PSMA1: variants seen among roughly 807,000 people sequenced by gnomAD.
PSMA1 encodes proteasome subunit alpha type-1.
In PSMA1, 3 loss-of-function variants were observed where a neutral mutation model predicts 38.4. The observed-to-expected ratio is 0.08, with a 90% CI of 0.04 to 0.20. The LOEUF (loss-of-function observed/expected upper bound fraction) is 0.20, where lower values mean the gene tolerates loss of function less well. PSMA1 is among the 10% of genes least tolerant of loss of function. The probability of loss-of-function intolerance (pLI) is 1.00; values close to 1 mark genes in which losing one functional copy is unlikely to be tolerated. For missense variants in PSMA1, 227 were observed against 325.3 expected, an observed-to-expected ratio of 0.70 and a Z score of 2.32; for synonymous variants, 101 against 107.1, an observed-to-expected ratio of 0.94 and a Z score of 0.35.
intron 2 of PSMA1, among the ~76,000 whole-genome samples, chr11:14,554,703 A>G (rs1020137226): frequency 5.9e-5 from 9 of 152,180 alleles, no homozygotes; most frequent in Non-Finnish European, 1.3e-4. Context: ...TTTTCTTTAC[A>G]GTAGCCTTAA....
intron 2 of PSMA1, among the ~76,000 whole-genome samples, chr11:14,533,258 T>G (rs774732328): frequency 2.6e-5 from 4 of 152,226 alleles, no homozygotes; most frequent in Non-Finnish European, 4.4e-5. Flanking sequence ...GCTTGAATTA[T>G]TATAGAAGTA....
At chr11:14,613,049 A>G (rs1852728338) in intron 1 of PSMA1, among the ~76,000 whole-genome samples, 2 of 152,142 alleles carry the variant, frequency 1.3e-5, no homozygotes, top group Admixed American at 1.3e-4. Context: ...ATTTCACTGG[A>G]TGGACAACCA....
chr11:14,552,926 G>C (rs939981961), intron 2 of PSMA1, among the ~76,000 whole-genome samples: 3 of 149,024 alleles, frequency 2.0e-5, no homozygotes, highest in Non-Finnish European at 4.4e-5. Context: ...TCCTGGGCTC[G>C]AGCAATCCCT....
chr11:14,576,749 T>A lies in PSMA1; in HGVS notation c.21+34217A>T, dbSNP rs532088150. 2.9e-3 allele frequency among the ~76,000 whole-genome samples: 446 copies of A among 152,320 alleles called. 1 individual carries two copies. The highest frequency in any genetic ancestry group is 0.01 in the South Asian group (49 of 4,826). On this transcript the variant is annotated intron_variant, in intron 2 of 10. Coordinates refer to the PSMA1 transcript ENST00000418988. ...GCTTTGTTCTTTTGGCTTAGGATTG[T>A]CTTGGCAATGCAGGCTCTGTTTTGG... is the stretch of plus-strand genomic sequence containing the variant.
chr11:14,513,847 A>G lies in PSMA1; in HGVS notation c.384T>C (p.Tyr128=), dbSNP rs1365704560. ...IPTQRYGRRP[Y]GVGLLIAGYD... is the part of the protein sequence containing the mutation. ...AACCAGCAATAAGGAGACCAACACCATATGGTCTCCGGCCATATCGTTGTG... is the reference window on the plus strand; with the variant it reads ...AACCAGCAATAAGGAGACCAACACCGTATGGTCTCCGGCCATATCGTTGTG... Residue 128 remains tyrosine (Y), a synonymous_variant, in exon 6 of 10, where the codon TAT becomes TAC. Coordinates refer to ENST00000396394, the MANE Select transcript of PSMA1 (RefSeq NM_002786.4). The G allele has an allele frequency of 6.2e-7, 1 of 1,601,966 alleles. No homozygotes were observed. Among genetic ancestry groups the G allele is most frequent in the Non-Finnish European group, 8.5e-7 (1 of 1,176,468 alleles).
intron 2 of PSMA1, among the ~76,000 whole-genome samples, chr11:14,541,372 T>C (rs1851771606): frequency 6.6e-6 from 1 of 152,224 alleles, no homozygotes; most frequent in South Asian, 2.1e-4. Context: ...TCTATTCACC[T>C]AAGGTAAAAC....
intron 2 of PSMA1, among the ~76,000 whole-genome samples, chr11:14,557,493 C>T (rs1045020875): frequency 2.6e-5 from 4 of 152,180 alleles, no homozygotes; most frequent in Non-Finnish European, 4.4e-5. Flanking sequence ...CCGCCCACCT[C>T]GGCCCCCCAA....
At chr11:14,592,461 C>T (rs1259756055) in intron 2 of PSMA1, among the ~76,000 whole-genome samples, 1 of 151,896 alleles carries the variant, frequency 6.6e-6, no homozygotes, top group Non-Finnish European at 1.5e-5. Flanking sequence ...TCTCTGCTCA[C>T]TGCAAGCTCC....
At chr11:14,568,492 C>G (rs746614997) in intron 2 of PSMA1, among the ~76,000 whole-genome samples, 3 of 152,208 alleles carry the variant, frequency 2.0e-5, no homozygotes, top group Non-Finnish European at 4.4e-5. Context: ...CATTGCTAAT[C>G]TATCATAGCT....
At chr11:14,642,190 A>G (rs1395412775) in intron 1 of PSMA1, among the ~76,000 whole-genome samples, 1 of 152,204 alleles carries the variant, frequency 6.6e-6, no homozygotes, top group Admixed American at 6.5e-5. Context: ...TTATAACGGG[A>G]ATTTCAATAA....
chr11:14,583,783 T>G (rs549013312), intron 2 of PSMA1, among the ~76,000 whole-genome samples: 1 of 152,198 alleles, frequency 6.6e-6, no homozygotes, highest in South Asian at 2.1e-4. Flanking sequence ...CAAACATAAG[T>G]TAAAGTCCCT....
intron 2 of PSMA1, among the ~76,000 whole-genome samples, chr11:14,589,951 C>T (rs1852391506): frequency 6.6e-6 from 1 of 152,202 alleles, no homozygotes; most frequent in African/African-American, 2.4e-5. Flanking sequence ...CACAAGTGTT[C>T]ACTGATGGAT....
intron 2 of PSMA1, among the ~76,000 whole-genome samples, chr11:14,525,654 A>G (rs987660430): frequency 2.0e-5 from 3 of 151,976 alleles, no homozygotes; most frequent in Admixed American, 1.3e-4. Flanking sequence ...CAACCCGTAC[A>G]CTCTTTTGTC....
intron 3 of PSMA1, 54 bp downstream of exon 3, chr11:14,517,826 G>A (rs1366481205): frequency 6.6e-7 from 1 of 1,517,546 alleles, no homozygotes; most frequent in African/African-American, 1.4e-5. Context: ...TATTTTCTAT[G>A]GTGAAATTTA....
intron 1 of PSMA1, among the ~76,000 whole-genome samples, chr11:14,628,938 T>G (rs1385792622): frequency 6.6e-6 from 1 of 151,458 alleles, no homozygotes; most frequent in Admixed American, 6.6e-5. Flanking sequence ...CATTTTTTCA[T>G]GTGTTTTTTG....
intron 1 of PSMA1, among the ~76,000 whole-genome samples, chr11:14,634,986 G>C (rs1853093868): frequency 6.6e-6 from 1 of 152,138 alleles, no homozygotes; most frequent in African/African-American, 2.4e-5. Context: ...ATTTAGTCAG[G>C]TTCATTCCTA....
At chr11:14,532,312 TA>T (rs1851656041) in intron 2 of PSMA1, among the ~76,000 whole-genome samples, 1 of 152,028 alleles carries the variant, frequency 6.6e-6, no homozygotes. Context: ...TTTTTCTAAT[TA>T]AAAAAGGGAG....
chr11:14,507,781 A>G lies in PSMA1; in HGVS notation c.625-15T>C, dbSNP rs768625127. 3.4e-5 allele frequency: 51 copies of G among 1,482,802 alleles called. No homozygotes were observed. The highest frequency in any genetic ancestry group is 4.4e-5 in the Non-Finnish European group (47 of 1,068,830). The allele number at this position is 1,482,802 out of a possible 1,614,324, so 91.9% of individuals were successfully genotyped here. A position where few individuals can be genotyped will look rare whatever the true frequency, so the allele number is the denominator to read the frequency against. On this transcript the variant is annotated splice_polypyrimidine_tract_variant and intron_variant, in intron 8 of 9. Transcript: ENST00000396394. ...ATGGAAACATTCTGAAGGGTAAAAT[A>G]TGGTAAAAGTAAAATAAGAGAATTT... is the stretch of plus-strand genomic sequence containing the variant.
chr11:14,635,005 T>C (rs1305388529), intron 1 of PSMA1, among the ~76,000 whole-genome samples: 1 of 152,214 alleles, frequency 6.6e-6, no homozygotes. Context: ...TATGAAGGTT[T>C]AGAAATGTCT....
Sources: allele counts gnomAD v4.1 joint callset (sites outside exome capture counted in the v4.1 genomes callset), GRCh38; gene constraint gnomAD v4.1.1; transcripts MANE v1.5; gene names NCBI Gene and HGNC (gene_info 2026-07-23, HGNC 2026-07-21).